The following DENND4A variants were observed in gnomAD, a reference collection of about 807,000 sequenced individuals.
The protein encoded by DENND4A is C-myc promoter-binding protein.
In DENND4A, 70 loss-of-function variants were observed where a neutral mutation model predicts 199.3. The ratio of observed to expected loss-of-function variants is 0.35; its 90% CI spans 0.29 to 0.43. The LOEUF (loss-of-function observed/expected upper bound fraction) is 0.43. DENND4A is among the 20% of genes least tolerant of loss of function. DENND4A has a pLI of 1.00. For missense variants in DENND4A, 1,723 were observed against 2,255.8 expected (o/e 0.76, Z 4.78); for synonymous variants, 686 against 766.9 (o/e 0.89, Z 1.74).
chr15:65,782,859 C>A (rs1248942271), intron 1 of DENND4A, among the ~76,000 whole-genome samples: 1 of 151,966 alleles, frequency 6.6e-6, no homozygotes, highest in Admixed American at 6.6e-5. Context: ...CTAAAAATAT[C>A]TGAAGCAATA....
intron 2 of DENND4A, among the ~76,000 whole-genome samples, chr15:65,757,988 A>G (rs1305327679): frequency 1.3e-5 from 2 of 149,858 alleles, no homozygotes; most frequent in Admixed American, 6.7e-5. Context: ...TCTCAAAAAG[A>G]AAAAAAAAAG....
chr15:65,700,852 C>G (rs145120964), intron 19 of DENND4A, among the ~76,000 whole-genome samples, 177 bp from the exon 20 acceptor site: 1 of 152,172 alleles, frequency 6.6e-6, no homozygotes, highest in African/African-American at 2.4e-5. Flanking sequence ...CTAAAACACA[C>G]ACAAAGGTCG....
chr15:65,725,640 A>G (rs7175211), intron 11 of DENND4A, among the ~76,000 whole-genome samples: 83,163 of 149,384 alleles, frequency 0.56, 25,679 homozygotes, highest in African/African-American at 0.82. Context: ...TCACGCCACC[A>G]CACTCCAGCC....
intron 2 of DENND4A, among the ~76,000 whole-genome samples, chr15:65,760,736 A>G (rs537122321): frequency 1.3e-5 from 2 of 152,162 alleles, no homozygotes; most frequent in East Asian, 3.9e-4. Flanking sequence ...CAAAAATACA[A>G]AAATTAGCCA....
At chr15:65,718,132 A>T (rs959456615) in intron 12 of DENND4A, 136 bp from the exon 13 acceptor site, 1 of 652,554 alleles carries the variant, frequency 1.5e-6, no homozygotes, top group Non-Finnish European at 2.5e-6. Context: ...TCATACGTAA[A>T]CCTTAGCAAA....
In DENND4A at chr15:65,664,654, T is replaced by G; in HGVS notation, c.5428A>C (p.Ser1810Arg). The G allele has an allele frequency of 1.9e-6, 3 of 1,612,946 alleles. No individual in the cohort carries two copies. The highest frequency in any genetic ancestry group is 2.5e-6 in the Non-Finnish European group (3 of 1,179,198). The change falls in exon 31 of 33, where the codon AGT becomes CGT. Residue 1810 changes from serine (S) to arginine (R), a missense_variant. Ser to Arg is a moderately radical substitution (Grantham distance 110, BLOSUM62 -1). This residue lies in a region of DENND4A where 164 missense variants were observed against 280.1 expected (regional missense o/e 0.59). Transcript: ENST00000443035. ...DNSFNQELLK[S>R]MVKSIKMNDV... ...TTCATTTTAATGCTTTTTACCATAC[T>G]TTTCAACAGTTCCTGGTTAAATGAG...
In DENND4A at chr15:65,671,787, T is replaced by G. The variant is rs1481149130; in HGVS notation, c.4464+5A>C. 2 of 1,546,254 alleles carry G rather than the reference T, an allele frequency of 1.3e-6. No individual in the cohort carries two copies. The highest frequency in any genetic ancestry group is 2.2e-5 in the East Asian group (1 of 44,556). ...ATGAAGATTCTCTTTTGCACAAAAG[T>G]GTACCTCCATTGCATAGTTCTGGAA... On this transcript the variant is annotated splice_donor_5th_base_variant and intron_variant, in intron 25 of 32. Transcript: ENST00000443035.
At chr15:65,755,125 T>C (rs2076666890) in intron 3 of DENND4A, among the ~76,000 whole-genome samples, 1 of 152,216 alleles carries the variant, frequency 6.6e-6, no homozygotes, top group Non-Finnish European at 1.5e-5. Context: ...GAAAACATTA[T>C]GCTAAGAAGT....
chr15:65,706,952 G>A (rs189321640), intron 14 of DENND4A, among the ~76,000 whole-genome samples: 84 of 152,210 alleles, frequency 5.5e-4, no homozygotes, highest in Admixed American at 4.4e-3. Context: ...ATATGCAAAT[G>A]TTTTGCATTT....
intron 2 of DENND4A, among the ~76,000 whole-genome samples, chr15:65,757,378 T>C (rs1255252222): frequency 6.6e-6 from 1 of 151,954 alleles, no homozygotes; most frequent in Admixed American, 6.6e-5. Flanking sequence ...CCACTGCACC[T>C]GATCCGGCTT....
intron 1 of DENND4A, among the ~76,000 whole-genome samples, chr15:65,775,626 G>A (rs28689162): frequency 0.23 from 23,084 of 102,176 alleles, 3,069 homozygotes; most frequent in East Asian, 0.76. Context: ...GGGTGACAGT[G>A]CAAGACTCCT....
intron 1 of DENND4A, among the ~76,000 whole-genome samples, chr15:65,779,371 G>A (rs980490646): frequency 8.0e-5 from 12 of 150,380 alleles, no homozygotes; most frequent in African/African-American, 2.2e-4. Context: ...CAGGAGAATC[G>A]CTTGAACCTG....
intron 20 of DENND4A, among the ~76,000 whole-genome samples, chr15:65,699,119 A>G (rs1200340070): frequency 2.0e-5 from 3 of 152,228 alleles, no homozygotes; most frequent in African/African-American, 7.2e-5. Flanking sequence ...TAACTATTGT[A>G]ACTGATGAAA....
intron 11 of DENND4A, among the ~76,000 whole-genome samples, chr15:65,723,865 T>C (rs181042995): frequency 4.6e-5 from 7 of 152,284 alleles, no homozygotes; most frequent in African/African-American, 1.7e-4. Context: ...ACTGAAACCA[T>C]GGAAAACCAG....
intron 21 of DENND4A, 87 bp from the exon 22 acceptor site, chr15:65,696,584 T>C: frequency 1.0e-6 from 1 of 977,518 alleles, no homozygotes; most frequent in Non-Finnish European, 1.5e-6. Flanking sequence ...TTCTACATAT[T>C]TTTACTTGAA....
chr15:65,664,801 T>C (rs559401247), intron 30 of DENND4A, 79 bp from the exon 31 acceptor site: 3 of 1,233,522 alleles, frequency 2.4e-6, no homozygotes, highest in Non-Finnish European at 2.2e-6. Context: ...AACTGACAGA[T>C]ATTAAGTTAC....
At chr15:65,717,447 C>G (rs1286991763) in intron 13 of DENND4A, among the ~76,000 whole-genome samples, 1 of 152,102 alleles carries the variant, frequency 6.6e-6, no homozygotes, top group Admixed American at 6.6e-5. Context: ...AGGTGACCAT[C>G]TCAGGGGTTC....
intron 1 of DENND4A, among the ~76,000 whole-genome samples, chr15:65,765,468 GA>G (rs2076960036): frequency 6.6e-6 from 1 of 152,138 alleles, no homozygotes; most frequent in African/African-American, 2.4e-5. Flanking sequence ...TCAGTTGAAA[GA>G]AATAATAGAG....
chr15:65,703,039 A>G lies in DENND4A; in HGVS notation c.2088-31T>C, dbSNP rs750365580. On this transcript the variant is annotated intron_variant, in intron 15 of 32. Transcript: ENST00000443035. ...TTAGAAAAAACAAAACAAAACAAAA[A>G]AGAGTTCTCAAGCACACATAGATGA... is the stretch of plus-strand genomic sequence containing the variant. 7.5e-6 allele frequency: 12 copies of G among 1,597,226 alleles called. No homozygotes were observed. The South Asian group carries it at 1.3e-4, about 18-fold the overall frequency.
Sources: gnomAD v4.1 joint callset for allele counts (sites outside exome capture counted in the v4.1 genomes callset) on GRCh38, gnomAD v4.1.1 for gene constraint, gnomAD v4.1.1 regional missense constraint, MANE v1.5 for transcripts, NCBI Gene and HGNC (gene_info 2026-07-23, HGNC 2026-07-21) for gene names.